MMS22L: variants seen among roughly 807,000 people sequenced by gnomAD.
MMS22L encodes the protein protein MMS22-like.
A neutral mutation model predicts 159.1 loss-of-function variants in MMS22L; 74 were observed. That is an observed-to-expected ratio of 0.47 (90% confidence interval 0.39 to 0.56). MMS22L has a LOEUF of 0.56. Among genes scored for constraint, MMS22L ranks in the 20% least tolerant of loss-of-function variants. The probability of loss-of-function intolerance (pLI) is 0.00; values close to 1 mark genes in which losing one functional copy is unlikely to be tolerated. For synonymous variants in MMS22L, 517 were observed against 506.9 expected, an observed-to-expected ratio of 1.02 and a Z score of -0.27; for missense variants, 1,351 against 1,422.1, an observed-to-expected ratio of 0.95 and a Z score of 0.80.
chr6:97,155,002 T>G (rs902826571), intron 22 of MMS22L, among the ~76,000 whole-genome samples: 3 of 152,196 alleles, frequency 2.0e-5, no homozygotes, highest in Non-Finnish European at 4.4e-5. Context: ...TCACTTAAGC[T>G]TTCTGTGGTT....
chr6:97,169,720 T>C (rs1254610148), intron 19 of MMS22L, among the ~76,000 whole-genome samples: 1 of 152,202 alleles, frequency 6.6e-6, no homozygotes, highest in East Asian at 1.9e-4. Context: ...AATTTCAGTA[T>C]GACAGCAATA....
At chr6:97,157,535 T>C (rs556469634) in intron 22 of MMS22L, among the ~76,000 whole-genome samples, 2 of 152,320 alleles carry the variant, frequency 1.3e-5, no homozygotes, top group Non-Finnish European at 2.9e-5. Flanking sequence ...TGAAGTACTG[T>C]TGAATTTTGT....
chr6:97,186,712 G>C (rs781621938), intron 14 of MMS22L, 22 bp from the exon 15 acceptor site: 1 of 1,455,432 alleles, frequency 6.9e-7, no homozygotes, highest in Non-Finnish European at 9.1e-7. Flanking sequence ...TAAAAATACA[G>C]CTAACACCCT....
chr6:97,254,278 C>A, intron 10 of MMS22L: 1 of 230,696 alleles, frequency 4.3e-6, no homozygotes, highest in Non-Finnish European at 8.4e-6. Flanking sequence ...GAAGACAAAG[C>A]TAGAAAGGTT....
intron 15 of MMS22L, 103 bp downstream of exon 15, chr6:97,186,394 C>CA: frequency 1.1e-6 from 1 of 880,460 alleles, no homozygotes; most frequent in Non-Finnish European, 1.6e-6. Flanking sequence ...TTCTGGCTGA[C>CA]AAAATGTTTG....
chr6:97,255,183 A>G (rs1175308544), intron 9 of MMS22L, among the ~76,000 whole-genome samples: 1 of 152,156 alleles, frequency 6.6e-6, no homozygotes, highest in Non-Finnish European at 1.5e-5. Flanking sequence ...AGCTTATTGC[A>G]ATATTCCAGT....
chr6:97,156,086 G>C (rs1336449319), intron 22 of MMS22L, among the ~76,000 whole-genome samples: 1 of 152,228 alleles, frequency 6.6e-6, no homozygotes, highest in Non-Finnish European at 1.5e-5. Flanking sequence ...GACCAGTGAT[G>C]ATGAGCATTT....
At chr6:97,157,819 T>C (rs1404105480) in intron 22 of MMS22L, among the ~76,000 whole-genome samples, 1 of 152,200 alleles carries the variant, frequency 6.6e-6, no homozygotes, top group Admixed American at 6.5e-5. Context: ...AGTATCAGGA[T>C]GATGCTGGCT....
Position 97,145,384 on chromosome 6 carries a change from T to C in MMS22L, c.*1422A>G, listed in dbSNP as rs1800887920. 1.3e-5 allele frequency: 2 copies of C among 152,196 alleles called. No individual in the cohort carries two copies. The highest frequency in any genetic ancestry group is 4.8e-5 in the African/African-American group (2 of 41,454). The allele number at this position is 152,196 out of a possible 1,614,324, so 9.4% of individuals were successfully genotyped here. On this transcript the variant is annotated 3_prime_UTR_variant, in exon 25 of 25. Coordinates refer to ENST00000683635, the MANE Select transcript of MMS22L (RefSeq NM_001350599.2). ...TTGCAAAGTATTTCATTTTTAAAGATACTCCTTGAGCCAGAGAAGGGTTGA... is the reference window on the plus strand; with the variant it reads ...TTGCAAAGTATTTCATTTTTAAAGACACTCCTTGAGCCAGAGAAGGGTTGA...
intron 10 of MMS22L, among the ~76,000 whole-genome samples, chr6:97,248,810 G>A (rs1157450888): frequency 6.6e-6 from 1 of 151,646 alleles, no homozygotes; most frequent in Admixed American, 6.6e-5. Flanking sequence ...AGTGAGCAGA[G>A]ATCGTGCCAT....
intron 14 of MMS22L, among the ~76,000 whole-genome samples, chr6:97,191,808 C>T (rs35712740): frequency 0.032 from 4,826 of 152,214 alleles, 116 homozygotes; most frequent in South Asian, 0.058. Context: ...GCTTACTCTG[C>T]CTTATTATCC....
intron 14 of MMS22L, among the ~76,000 whole-genome samples, chr6:97,227,466 C>T (rs1214628815): frequency 6.6e-6 from 1 of 152,074 alleles, no homozygotes; most frequent in African/African-American, 2.4e-5. Flanking sequence ...ATATTGGAAA[C>T]ATAAAAATTT....
intron 8 of MMS22L, chr6:97,266,490 A>AACAGCAGGACATGTTCTGAGAAGCACGTC (rs1815128784): frequency 6.6e-6 from 1 of 152,238 alleles, no homozygotes; most frequent in Non-Finnish European, 1.5e-5. Flanking sequence ...TGTGTCACTT[A>AACAGCAGGACATGTTCTGAGAAGCACGTC]ACAGCAGGAC....
chr6:97,179,140 A>C (rs1458431158), intron 17 of MMS22L, among the ~76,000 whole-genome samples: 2 of 152,146 alleles, frequency 1.3e-5, no homozygotes, highest in Non-Finnish European at 2.9e-5. Context: ...TCACCTGAGA[A>C]GCAAATTTCT....
chr6:97,156,171 CG>C (rs1391631889), intron 22 of MMS22L, among the ~76,000 whole-genome samples: 5 of 151,836 alleles, frequency 3.3e-5, no homozygotes, highest in African/African-American at 9.7e-5. Context: ...CATTTTTTGA[CG>C]GGGTTGTTTG....
At chr6:97,238,594 TG>T (rs1811698106) in intron 11 of MMS22L, among the ~76,000 whole-genome samples, 1 of 150,526 alleles carries the variant, frequency 6.6e-6, no homozygotes, top group African/African-American at 2.4e-5. Flanking sequence ...TGTGTGTGTG[TG>T]TGTGTGTGTT....
intron 18 of MMS22L, among the ~76,000 whole-genome samples, chr6:97,177,811 C>T (rs1804275015): frequency 6.6e-6 from 1 of 152,136 alleles, no homozygotes; most frequent in South Asian, 2.1e-4. Context: ...ATACCAACCA[C>T]TCTGTGGGAA....
intron 22 of MMS22L, among the ~76,000 whole-genome samples, chr6:97,155,401 T>C (rs1801729908): frequency 6.6e-6 from 1 of 152,160 alleles, no homozygotes; most frequent in Non-Finnish European, 1.5e-5. Flanking sequence ...GCCATGTTGG[T>C]TTGCTGCACC....
At position 97,173,229 on chromosome 6, in the gene MMS22L, A is replaced by G. The variant is rs1215194113; in HGVS notation, c.2680-7T>C. 1.9e-6 allele frequency: 3 copies of G among 1,603,680 alleles called. No homozygotes were observed. The Admixed American group carries it at 5.3e-5, about 28-fold the overall frequency. ...CGTAAGTTACACCAACAGCCTATAA[A>G]TAAAGAAAAACATTATTTAACTTCC... is the stretch of plus-strand genomic sequence containing the variant. On this transcript the variant is annotated splice_polypyrimidine_tract_variant and splice_region_variant and intron_variant, in intron 18 of 24. Transcript: ENST00000683635.
Sources: gnomAD v4.1 joint callset for allele counts (sites outside exome capture counted in the v4.1 genomes callset) on GRCh38, gnomAD v4.1.1 for gene constraint, MANE v1.5 for transcripts, NCBI Gene and HGNC (gene_info 2026-07-23, HGNC 2026-07-21) for gene names.